ESCO2: variants seen among roughly 807,000 people sequenced by gnomAD.
The protein encoded by ESCO2 is establishment of sister chromatid cohesion N-acetyltransferase 2.
Under a neutral mutation model 61.7 loss-of-function variants are expected in ESCO2, and 51 were observed. That is an observed-to-expected ratio of 0.83 (90% CI 0.66 to 1.04). The LOEUF (loss-of-function observed/expected upper bound fraction) is 1.04, where lower values mean the gene tolerates loss of function less well. Among genes scored for constraint, ESCO2 ranks in the 50% least tolerant of loss-of-function variants. The pLI is 0.00. For synonymous variants in ESCO2, 230 were observed against 238.2 expected (o/e 0.97, Z 0.32); for missense variants, 692 against 686.2 (o/e 1.01, Z -0.09).
intron 4 of ESCO2, among the ~76,000 whole-genome samples, chr8:27,782,160 C>T (rs1029669798): frequency 3.3e-5 from 5 of 152,146 alleles, no homozygotes; most frequent in African/African-American, 1.2e-4. Flanking sequence ...ACACTTAGTT[C>T]CTACTATTCA....
rs773308084 is a variant in ESCO2 at position 27,776,474 on chromosome 8, G to A, written c.166G>A (p.Val56Ile). 6.2e-7 allele frequency: 1 copy of A among 1,612,508 alleles called. No individual in the cohort carries two copies. The highest frequency in any genetic ancestry group is 1.1e-5 in the South Asian group (1 of 90,458). ...NLHCSQQEHF[V>I]LSALKTTEIN... ...GCATTGCTCTCAACAAGAGCATTTT[G>A]TTTTAAGTGCGCTCAAAACAACTGA... The change falls in exon 3 of 11, where the codon GTT becomes ATT. Residue 56 changes from valine (V) to isoleucine (I), a missense_variant. Physicochemically the swap from Val to Ile is conservative, Grantham distance 29. Coordinates refer to ENST00000305188, the MANE Select transcript of ESCO2 (RefSeq NM_001017420.3).
At chr8:27,786,331 G>A (rs28472511) in intron 5 of ESCO2, among the ~76,000 whole-genome samples, 23,478 of 152,214 alleles carry the variant, frequency 0.15, 2,288 homozygotes, top group East Asian at 0.37. Flanking sequence ...AAAGAGCAGG[G>A]AGGAGGAGGT....
chr8:27,802,639 ATATATATATATATATAT>A (rs1191024965), intron 10 of ESCO2, among the ~76,000 whole-genome samples: 63 of 56,524 alleles, frequency 1.1e-3, no homozygotes, highest in African/African-American at 2.8e-3. Flanking sequence ...AAATATATAT[ATATATATATATATATAT>A]TATATATATA....
chr8:27,780,505 G>C (rs1020385520), intron 4 of ESCO2, among the ~76,000 whole-genome samples: 5 of 152,182 alleles, frequency 3.3e-5, no homozygotes, highest in Non-Finnish European at 5.9e-5. Flanking sequence ...GGCTTAATTG[G>C]TCTATGGCTG....
intron 7 of ESCO2, among the ~76,000 whole-genome samples, chr8:27,790,560 G>C (rs1411194863): frequency 2.5e-5 from 1 of 40,112 alleles, no homozygotes; most frequent in Non-Finnish European, 5.8e-5. Flanking sequence ...TTGCTACAAA[G>C]AAAACATTTT....
chr8:27,806,521 C>A (rs1454334292), downstream of ESCO2, among the ~76,000 whole-genome samples: 5 of 151,784 alleles, frequency 3.3e-5, no homozygotes, highest in East Asian at 1.9e-4. Context: ...AAGCTACCAA[C>A]AACAAAAAAG....
At chr8:27,786,030 A>G (rs991333626) in intron 5 of ESCO2, among the ~76,000 whole-genome samples, 4 of 152,180 alleles carry the variant, frequency 2.6e-5, no homozygotes, top group African/African-American at 9.6e-5. Context: ...AAGCAAAGAG[A>G]TGGCTGTCAC....
chr8:27,781,798 C>T (rs961468920), intron 4 of ESCO2, among the ~76,000 whole-genome samples: 6 of 152,040 alleles, frequency 3.9e-5, no homozygotes, highest in Non-Finnish European at 4.4e-5. Flanking sequence ...GTGATCCCCC[C>T]ACTTCAGCCT....
intron 10 of ESCO2, among the ~76,000 whole-genome samples, 199 bp from the exon 11 acceptor site, chr8:27,803,107 T>C (rs1320972941): frequency 6.6e-6 from 1 of 152,170 alleles, no homozygotes; most frequent in East Asian, 1.9e-4. Flanking sequence ...CCTTTGCCTC[T>C]CATCAGAATT....
In ESCO2 at chr8:27,791,671, C is replaced by T. The variant is rs182340487; in HGVS notation, c.1264-292C>T. Reference sequence around the variant, plus strand: ...CCTGACCTCAAGTGATCCACCCACCCGGGCCTCCCAAAGTGCTAGGATTAC... The same window carrying T: ...CCTGACCTCAAGTGATCCACCCACCTGGGCCTCCCAAAGTGCTAGGATTAC... On this transcript the variant is annotated intron_variant, in intron 7 of 10. Transcript: ENST00000305188. 1.2e-3 allele frequency among the ~76,000 whole-genome samples: 176 copies of T among 152,206 alleles called. 1 individual carries two copies. Among genetic ancestry groups the T allele is most frequent in the Non-Finnish European group, 7.9e-4 (54 of 68,004 alleles).
intron 3 of ESCO2, chr8:27,777,500 A>G (rs900707680): frequency 2.5e-5 from 5 of 203,200 alleles, no homozygotes; most frequent in Admixed American, 1.1e-4. Context: ...GGGTTTCACC[A>G]TGTTGCCCAG....
downstream of ESCO2, among the ~76,000 whole-genome samples, chr8:27,807,099 T>C (rs1805579151): frequency 6.6e-6 from 1 of 152,254 alleles, no homozygotes. Context: ...TCTTACAGCT[T>C]TTTTGTTCTT....
downstream of ESCO2, among the ~76,000 whole-genome samples, chr8:27,814,131 A>G (rs893439196): frequency 1.1e-4 from 17 of 152,318 alleles, no homozygotes; most frequent in African/African-American, 3.8e-4. Flanking sequence ...TGTAAAATCC[A>G]TATCATTTCT....
At chr8:27,792,643 C>T in intron 8 of ESCO2, 25 bp from the exon 9 acceptor site, 1 of 1,608,420 alleles carries the variant, frequency 6.2e-7, no homozygotes, top group Non-Finnish European at 8.5e-7. Flanking sequence ...AAACATTCAC[C>T]TGTCTTGGTT....
chr8:27,777,186 C>G lies in ESCO2; in HGVS notation c.861+17C>G. 1 of 1,592,108 alleles carries G rather than the reference C, an allele frequency of 6.3e-7. No individual in the cohort carries two copies. Among genetic ancestry groups the G allele is most frequent in the Non-Finnish European group, 8.5e-7 (1 of 1,172,030 alleles). ...TTAATAAAGGTAAAGCTAAATATAT[C>G]ACTTTAAAAATGGCTGTATAACAAA... On this transcript the variant is annotated intron_variant, in intron 3 of 10. Transcript: ENST00000305188.
At chr8:27,807,004 G>A (rs1400125229), downstream of ESCO2, among the ~76,000 whole-genome samples, 1 of 146,502 alleles carries the variant, frequency 6.8e-6, no homozygotes, top group African/African-American at 2.6e-5. Flanking sequence ...TTTTGACTTT[G>A]TATTCACAAT....
chr8:27,782,867 TC>T (rs1290167322), intron 4 of ESCO2, among the ~76,000 whole-genome samples: 3 of 152,096 alleles, frequency 2.0e-5, no homozygotes, highest in African/African-American at 7.2e-5. Flanking sequence ...CTTCTCTTTT[TC>T]CCCCTACCTC....
At chr8:27,802,631 AT>A (rs1324719862) in intron 10 of ESCO2, among the ~76,000 whole-genome samples, 4,776 of 38,242 alleles carry the variant, frequency 0.12, 315 homozygotes, top group African/African-American at 0.21. Context: ...AAAAAAAAAA[AT>A]ATATATATAT....
At chr8:27,802,630 A>AAAAAAAAAAAAAT (rs1554557661) in intron 10 of ESCO2, among the ~76,000 whole-genome samples, 1 of 45,822 alleles carries the variant, frequency 2.2e-5, no homozygotes, top group Non-Finnish European at 3.5e-5. Flanking sequence ...AAAAAAAAAA[A>AAAAAAAAAAAAAT]ATATATATAT....
Sources: allele counts gnomAD v4.1 joint callset (sites outside exome capture counted in the v4.1 genomes callset), GRCh38; gene constraint gnomAD v4.1.1; transcripts MANE v1.5; gene names NCBI Gene and HGNC (gene_info 2026-07-23, HGNC 2026-07-21).